The following TBC1D16 variants were observed in gnomAD, a reference collection of about 807,000 sequenced individuals.
TBC1D16 encodes CTD-2529O21.1.
A neutral mutation model predicts 74.7 loss-of-function variants in TBC1D16; 58 were observed. The observed-to-expected ratio is 0.78, with a 90% CI of 0.63 to 0.97. The LOEUF is 0.97. Ranked by LOEUF, TBC1D16 falls within the 50% of genes least tolerant of loss-of-function variation. The pLI is 0.00. For missense variants in TBC1D16, 1,014 were observed against 1,079.5 expected, an observed-to-expected ratio of 0.94 and a Z score of 0.85; for synonymous variants, 493 against 474.7, an observed-to-expected ratio of 1.04 and a Z score of -0.50.
chr17:79,964,681 C>A (rs4889809), intron 3 of TBC1D16, among the ~76,000 whole-genome samples: 10,171 of 152,150 alleles, frequency 0.067, 488 homozygotes, highest in East Asian at 0.17. Flanking sequence ...GTAAAAAATA[C>A]CACCAATATT....
intron 1 of TBC1D16, among the ~76,000 whole-genome samples, chr17:80,025,037 A>T (rs1237093982): frequency 1.7e-5 from 1 of 59,124 alleles, no homozygotes; most frequent in Non-Finnish European, 3.4e-5. Context: ...ATGCACACAT[A>T]CCATGACACA....
intron 9 of TBC1D16, among the ~76,000 whole-genome samples, chr17:79,947,180 G>A (rs1370087380): frequency 6.6e-6 from 1 of 152,192 alleles, no homozygotes; most frequent in Non-Finnish European, 1.5e-5. Flanking sequence ...CCCCAGGGGA[G>A]GGGTGGGGTG....
At chr17:79,943,456 G>A (rs1020352264) in intron 10 of TBC1D16, among the ~76,000 whole-genome samples, 1 of 152,172 alleles carries the variant, frequency 6.6e-6, no homozygotes, top group Non-Finnish European at 1.5e-5. Context: ...ACAGCGGACG[G>A]ATAGCATCAA....
chr17:79,958,806 T>A (rs1445288046), intron 3 of TBC1D16, among the ~76,000 whole-genome samples: 1 of 152,170 alleles, frequency 6.6e-6, no homozygotes, highest in Non-Finnish European at 1.5e-5. Flanking sequence ...TGGTAAAAGA[T>A]GGAATTGTTT....
intron 4 of TBC1D16, among the ~76,000 whole-genome samples, chr17:79,952,348 C>T (rs779121483): frequency 1.1e-4 from 16 of 152,204 alleles, no homozygotes; most frequent in Non-Finnish European, 1.5e-4. Context: ...TCAGAGCCGC[C>T]GGCAGCTGCT....
intron 3 of TBC1D16, chr17:79,992,482 G>A (rs1341498029): frequency 6.6e-6 from 1 of 152,298 alleles, no homozygotes; most frequent in Admixed American, 6.5e-5. Context: ...AGCCCGCCAG[G>A]CTCGGAGAGA....
At chr17:79,953,360 A>C (rs1011282038) in intron 3 of TBC1D16, among the ~76,000 whole-genome samples, 1 of 152,246 alleles carries the variant, frequency 6.6e-6, no homozygotes, top group Non-Finnish European at 1.5e-5. Context: ...GGTTCTCAGT[A>C]CTATTAATAA....
At chr17:79,991,222 G>T (rs779270427) in intron 3 of TBC1D16, among the ~76,000 whole-genome samples, 14 of 152,222 alleles carry the variant, frequency 9.2e-5, no homozygotes, top group Non-Finnish European at 1.3e-4. Flanking sequence ...CGTCCACGCC[G>T]GGAGAGCAGG....
chr17:79,950,646 T>C lies in TBC1D16; in HGVS notation c.1090-68A>G, dbSNP rs999667919. 1 of 1,573,856 alleles carries C rather than the reference T, an allele frequency of 6.4e-7. No homozygotes were observed. Among genetic ancestry groups the C allele is most frequent in the Non-Finnish European group, 8.6e-7 (1 of 1,159,514 alleles). ...CGCGGCTTCAGAGGCCAGCAGTGCT[T>C]TTCCCAGGAATAAAAGCCTCTCTCT... On this transcript the variant is annotated intron_variant, in intron 5 of 11. Coordinates refer to ENST00000310924, the MANE Select transcript of TBC1D16 (RefSeq NM_019020.4). The surrounding 1 kb of genome is among the most constrained non-coding windows in gnomAD (Gnocchi z 4.6).
At chr17:79,968,591 C>T (rs931239111) in intron 3 of TBC1D16, among the ~76,000 whole-genome samples, 1 of 152,108 alleles carries the variant, frequency 6.6e-6, no homozygotes, top group African/African-American at 2.4e-5. Context: ...CGGTGGCTCA[C>T]GCCTGTAATC....
In TBC1D16 at chr17:79,942,093, G is replaced by A; in HGVS notation, c.2022C>T (p.Ala674=). The change falls in exon 11 of 12, where the codon GCC becomes GCT. Residue 674 remains alanine (A), a synonymous_variant. Coordinates refer to ENST00000310924, the MANE Select transcript of TBC1D16 (RefSeq NM_019020.4). ...DQMLLHFGNL[A]MHMNGELVLR... ...GAACGAGCTCCCCGTTCATGTGCAT[G>A]GCCAGGTTTCCGAAGTGCAGGAGCA... The A allele has an allele frequency of 6.2e-7, 1 of 1,612,530 alleles. No individual in the cohort carries two copies. The highest frequency in any genetic ancestry group is 8.5e-7 in the Non-Finnish European group (1 of 1,179,802).
Position 79,969,856 on chromosome 17 carries a change from C to T in TBC1D16, c.780-17038G>A, listed in dbSNP as rs188179929. On this transcript the variant is annotated intron_variant, in intron 3 of 11. Transcript: ENST00000310924. ...ACTTGGGAGGCCGAGGCAGGAGAAT[C>T]GCTTGAACCCGGGAGGCGGAGGTTG... Among the ~76,000 whole-genome samples, 236 of 152,196 alleles carry T rather than the reference C, an allele frequency of 1.6e-3. 1 individual carries two copies. Among genetic ancestry groups the T allele is most frequent in the Middle Eastern group, 6.8e-3 (2 of 294 alleles).
At chr17:80,018,239 T>C (rs1291423169) in intron 1 of TBC1D16, among the ~76,000 whole-genome samples, 1 of 138,046 alleles carries the variant, frequency 7.2e-6, no homozygotes, top group Non-Finnish European at 1.5e-5. Flanking sequence ...ATCCAAAATA[T>C]TATTATTTCA....
Position 79,933,419 on chromosome 17 carries a change from C to G in TBC1D16, c.*7440G>C, listed in dbSNP as rs1276206414. ...CCTTGAGTTTGGACAAAGGGTGTCC[C>G]GACGACGATAAAGAGCCAGGAGCAG... On this transcript the variant is annotated 3_prime_UTR_variant, in exon 12 of 12. Coordinates refer to ENST00000310924, the MANE Select transcript of TBC1D16 (RefSeq NM_019020.4). The G allele has an allele frequency of 2.0e-5, 3 of 152,138 alleles. No homozygotes were observed. The highest frequency in any genetic ancestry group is 1.3e-4 in the Admixed American group (2 of 15,278). 9.4% of individuals were successfully genotyped at this position (152,138 alleles called of 1,614,324 possible). A position where few individuals can be genotyped will look rare whatever the true frequency, so the allele number is the denominator to read the frequency against.
In TBC1D16 at chr17:79,950,740, A is replaced by G. The variant is rs764680540; in HGVS notation, c.1090-162T>C. 2.0e-6 allele frequency: 3 copies of G among 1,537,808 alleles called. No homozygotes were observed. The African/African-American group carries it at 4.1e-5, about 21-fold the overall frequency. On this transcript the variant is annotated intron_variant, in intron 5 of 11. Coordinates refer to ENST00000310924, the MANE Select transcript of TBC1D16 (RefSeq NM_019020.4). The surrounding 1 kb of genome is among the most constrained non-coding windows in gnomAD (Gnocchi z 4.6). ...TAAATGGCGAGTGTAATTAGGCGCA[A>G]TTAAAATGAAAATACCTTCATCTTA...
chr17:80,013,260 G>C, intron 2 of TBC1D16, 107 bp downstream of exon 2: 6 of 1,099,400 alleles, frequency 5.5e-6, no homozygotes, highest in Non-Finnish European at 7.6e-6. Context: ...CGTTCTGGAA[G>C]AGGAACCAAA....
At chr17:80,016,206 A>G (rs1428343526) in intron 1 of TBC1D16, among the ~76,000 whole-genome samples, 2 of 151,672 alleles carry the variant, frequency 1.3e-5, no homozygotes, top group African/African-American at 2.4e-5. Flanking sequence ...TGAGGTCCCT[A>G]GAGCAGTTAG....
intron 3 of TBC1D16, among the ~76,000 whole-genome samples, chr17:79,959,967 A>G (rs943223372): frequency 1.3e-5 from 2 of 152,186 alleles, no homozygotes; most frequent in Non-Finnish European, 2.9e-5. Context: ...GTCAACAAAA[A>G]ACTTGTATCC....
rs2032123651 is a variant in TBC1D16 at position 79,942,592 on chromosome 17, A to G, written c.1909-386T>C. On this transcript the variant is annotated intron_variant, in intron 10 of 11. Coordinates refer to ENST00000310924, the MANE Select transcript of TBC1D16 (RefSeq NM_019020.4). ...TGGCCTGTGCTCATGGGGAGGACTC[A>G]TTTGTAATGGTCCTGAGCAACGGTG... is the stretch of plus-strand genomic sequence containing the variant. 2.6e-5 allele frequency among the ~76,000 whole-genome samples: 4 copies of G among 152,040 alleles called. No individual in the cohort carries two copies. In the South Asian group the frequency reaches 8.3e-4, roughly 32 times the overall value.
Sources: gnomAD v4.1 joint callset for allele counts (sites outside exome capture counted in the v4.1 genomes callset) on GRCh38, gnomAD v4.1.1 for gene constraint, Gnocchi (gnomAD v3.1) non-coding constraint, MANE v1.5 for transcripts, NCBI Gene and HGNC (gene_info 2026-07-23, HGNC 2026-07-21) for gene names.